The following SLC36A1 variants were observed in gnomAD, a reference collection of about 807,000 sequenced individuals.
SLC36A1 encodes solute carrier family 36 member 1.
In SLC36A1, 30 loss-of-function variants were observed where a neutral mutation model predicts 47.5. The observed-to-expected ratio is 0.63, with a 90% CI of 0.47 to 0.86. The LOEUF (loss-of-function observed/expected upper bound fraction) is 0.86, where lower values mean the gene tolerates loss of function less well. SLC36A1 is among the 40% of genes least tolerant of loss of function. SLC36A1 has a pLI of 0.00. For synonymous variants in SLC36A1, 255 were observed against 249.7 expected (o/e 1.02, Z -0.20); for missense variants, 517 against 606.0 (o/e 0.85, Z 1.54).
the SLC36A1 span, among the ~76,000 whole-genome samples, chr5:151,351,138 C>T: frequency 1.3e-5 from 2 of 152,078 alleles, no homozygotes; most frequent in African/African-American, 2.4e-5. Flanking sequence ...AGAGGAGAAC[C>T]ATTTTTATGA....
chr5:151,379,072 G>A, the SLC36A1 span, among the ~76,000 whole-genome samples: 6 of 152,358 alleles, frequency 3.9e-5, no homozygotes, highest in Non-Finnish European at 7.4e-5. Context: ...GGAGGTGCTT[G>A]CACAGGGTCA....
chr5:151,432,684 T>A (rs914231166), upstream of SLC36A1, among the ~76,000 whole-genome samples: 2 of 152,180 alleles, frequency 1.3e-5, no homozygotes, highest in African/African-American at 4.8e-5. Flanking sequence ...AGATGAACTC[T>A]TTAAATGCAA....
the SLC36A1 span, among the ~76,000 whole-genome samples, chr5:151,507,935 G>A: frequency 6.6e-6 from 1 of 152,060 alleles, no homozygotes. Context: ...TAGAGACATC[G>A]ACTCTCTAGC....
upstream of SLC36A1, among the ~76,000 whole-genome samples, chr5:151,444,667 G>C (rs1752820504): frequency 1.3e-5 from 2 of 152,074 alleles, no homozygotes; most frequent in Non-Finnish European, 2.9e-5. Flanking sequence ...TGTATTTTTA[G>C]TAGAGACAGG....
the SLC36A1 span, among the ~76,000 whole-genome samples, chr5:151,499,288 A>T: frequency 1.3e-5 from 2 of 152,178 alleles, no homozygotes; most frequent in East Asian, 3.9e-4. Flanking sequence ...AAGCAGTCAG[A>T]GGCTGCCCGA....
the SLC36A1 span, among the ~76,000 whole-genome samples, chr5:151,530,175 C>T: frequency 6.6e-6 from 1 of 151,694 alleles, no homozygotes; most frequent in Non-Finnish European, 1.5e-5. Context: ...GCCTTATATA[C>T]CCAAATTATA....
chr5:151,487,988 T>G lies in SLC36A1; in HGVS notation c.1165T>G (p.Leu389Val), dbSNP rs754665585. 1 of 1,613,938 alleles carries G rather than the reference T, an allele frequency of 6.2e-7. No homozygotes were observed. The highest frequency in any genetic ancestry group is 2.2e-5 in the East Asian group (1 of 44,884). The change falls in exon 11 of 11, where the codon TTG becomes GTG. Residue 389 changes from leucine (L) to valine (V), a missense_variant. By Grantham distance (32) the Leu-to-Val change is conservative. Coordinates refer to ENST00000243389, the MANE Select transcript of SLC36A1 (RefSeq NM_078483.4). ...CATGTCCTCTCTCCCTGCAGGCATC[T>G]TGGCCATCCTCATCCCCCGCCTGGA... ...RTVLVCLTCILAILIPRLDLV... is the reference protein window; with the variant it reads ...RTVLVCLTCIVAILIPRLDLV...
the SLC36A1 span, among the ~76,000 whole-genome samples, chr5:151,424,165 C>T: frequency 6.6e-6 from 1 of 152,164 alleles, no homozygotes; most frequent in Non-Finnish European, 1.5e-5. Context: ...CTCTCATTGC[C>T]TGGGTGTGGA....
the SLC36A1 span, among the ~76,000 whole-genome samples, chr5:151,424,370 C>A: frequency 2.0e-5 from 3 of 152,096 alleles, no homozygotes; most frequent in Non-Finnish European, 4.4e-5. Context: ...GTTTTAGGGA[C>A]AAAACTGATC....
chr5:151,408,318 A>G, the SLC36A1 span, among the ~76,000 whole-genome samples: 1 of 152,068 alleles, frequency 6.6e-6, no homozygotes, highest in Admixed American at 6.5e-5. Context: ...CCTCCCAAGT[A>G]GCTGGGACTA....
At chr5:151,519,521 G>A in the SLC36A1 span, among the ~76,000 whole-genome samples, 1 of 152,178 alleles carries the variant, frequency 6.6e-6, no homozygotes, top group East Asian at 1.9e-4. Context: ...TTCTCTCGGA[G>A]AATCTGATTC....
the SLC36A1 span, among the ~76,000 whole-genome samples, chr5:151,555,557 A>G: frequency 6.6e-6 from 1 of 151,824 alleles, no homozygotes; most frequent in Non-Finnish European, 1.5e-5. Context: ...TTTAGTACAG[A>G]TGGGGTTTCA....
the SLC36A1 span, chr5:151,366,424 A>G: frequency 5.2e-6 from 1 of 191,980 alleles, no homozygotes; most frequent in South Asian, 8.4e-5. Flanking sequence ...GAAAGAGGAG[A>G]GGTCTTGAGG....
the SLC36A1 span, among the ~76,000 whole-genome samples, chr5:151,394,469 G>A: frequency 6.6e-6 from 1 of 152,250 alleles, no homozygotes; most frequent in African/African-American, 2.4e-5. Context: ...TTTGGAGAGG[G>A]AGAGGCTCTC....
chr5:151,412,140 G>A, the SLC36A1 span, among the ~76,000 whole-genome samples: 1 of 144,832 alleles, frequency 6.9e-6, no homozygotes, highest in Non-Finnish European at 1.5e-5. Flanking sequence ...AACTGTCTGT[G>A]TGGGTCCTAA....
the SLC36A1 span, among the ~76,000 whole-genome samples, chr5:151,356,152 A>G: frequency 6.6e-6 from 1 of 151,824 alleles, no homozygotes; most frequent in Non-Finnish European, 1.5e-5. Context: ...CAGTCTGGTC[A>G]ACATGGAGAA....
the SLC36A1 span, chr5:151,377,969 C>T: frequency 3.0e-5 from 5 of 169,270 alleles, no homozygotes; most frequent in Admixed American, 1.3e-4. Flanking sequence ...AGCTCAATCC[C>T]GTAATCTCTA....
At chr5:151,538,968 G>C in the SLC36A1 span, among the ~76,000 whole-genome samples, 1 of 152,010 alleles carries the variant, frequency 6.6e-6, no homozygotes, top group African/African-American at 2.4e-5. Flanking sequence ...TTACAGACGT[G>C]GATGGAAGTT....
At chr5:151,383,111 T>C in the SLC36A1 span, among the ~76,000 whole-genome samples, 1 of 152,128 alleles carries the variant, frequency 6.6e-6, no homozygotes, top group Admixed American at 6.5e-5. Context: ...GAGCAAATCC[T>C]TGCCACCCAA....
Sources: allele counts gnomAD v4.1 joint callset (sites outside exome capture counted in the v4.1 genomes callset), GRCh38; gene constraint gnomAD v4.1.1; transcripts MANE v1.5; gene names NCBI Gene and HGNC (gene_info 2026-07-23, HGNC 2026-07-21).